KRIT1: variants seen among roughly 807,000 people sequenced by gnomAD.
KRIT1 encodes krev interaction trapped protein 1.
A neutral mutation model predicts 95.8 loss-of-function variants in KRIT1; 45 were observed. The observed-to-expected ratio is 0.47, with a 90% CI of 0.37 to 0.60. The LOEUF is 0.60. KRIT1 is among the 20% of genes least tolerant of loss of function. The probability of loss-of-function intolerance (pLI) is 0.00; values close to 1 mark genes in which losing one functional copy is unlikely to be tolerated. For missense variants in KRIT1, 788 were observed against 877.5 expected, an observed-to-expected ratio of 0.90 and a Z score of 1.29; for synonymous variants, 282 against 278.8, an observed-to-expected ratio of 1.01 and a Z score of -0.11.
At position 92,234,396 on chromosome 7, in the gene KRIT1, T is replaced by C. The variant is rs1319551318; in HGVS notation, c.989+53A>G. The C allele has an allele frequency of 6.0e-6, 8 of 1,338,196 alleles. No individual in the cohort carries two copies. The East Asian group carries it at 2.0e-4, about 33-fold the overall frequency. The allele number at this position is 1,338,196 out of a possible 1,614,324, so 82.9% of individuals were successfully genotyped here. On this transcript the variant is annotated intron_variant, in intron 10 of 18. Coordinates refer to ENST00000394505, the MANE Select transcript of KRIT1 (RefSeq NM_194454.3). ...AGTCTTGAAAAGAAGGACTAACATT[T>C]ATAATAAAAAATGTATTCTTTCTAA...
intron 5 of KRIT1, 43 bp from the exon 6 acceptor site, chr7:92,237,802 T>G (rs1341123468): frequency 1.0e-6 from 1 of 982,704 alleles, no homozygotes; most frequent in Non-Finnish European, 1.6e-6. Context: ...ATAATACACT[T>G]TTAAATCTTA....
At position 92,200,627 on chromosome 7, in the gene KRIT1, C is replaced by G. The variant is rs1584689085; in HGVS notation, c.*109G>C. 1 of 762,534 alleles carries G rather than the reference C, an allele frequency of 1.3e-6. No individual in the cohort carries two copies. Among genetic ancestry groups the G allele is most frequent in the South Asian group, 1.5e-5 (1 of 68,802 alleles). 47.2% of individuals were successfully genotyped at this position (762,534 alleles called of 1,614,324 possible). A position where few individuals can be genotyped will look rare whatever the true frequency, so the allele number is the denominator to read the frequency against. ...CCAGCCTCCCAAAGTGCTGGAATTA[C>G]AGGGGTGAGCCACCATGCTCGGCCA... is the stretch of plus-strand genomic sequence containing the variant. On this transcript the variant is annotated 3_prime_UTR_variant, in exon 19 of 19. Coordinates refer to ENST00000394505, the MANE Select transcript of KRIT1 (RefSeq NM_194454.3).
At chr7:92,234,998 T>A in intron 8 of KRIT1, 75 bp from the exon 9 acceptor site, 1 of 758,910 alleles carries the variant, frequency 1.3e-6, no homozygotes, top group South Asian at 1.5e-5. Context: ...ATATTTTAAA[T>A]TTTTACTTAT....
chr7:92,200,640 C>T lies in KRIT1; in HGVS notation c.*96G>A. 1 of 832,046 alleles carries T rather than the reference C, an allele frequency of 1.2e-6. No homozygotes were observed. The highest frequency in any genetic ancestry group is 1.4e-5 in the South Asian group (1 of 70,844). The allele number at this position is 832,046 out of a possible 1,614,324, so 51.5% of individuals were successfully genotyped here. A position where few individuals can be genotyped will look rare whatever the true frequency, so the allele number is the denominator to read the frequency against. On this transcript the variant is annotated 3_prime_UTR_variant, in exon 19 of 19. Coordinates refer to ENST00000394505, the MANE Select transcript of KRIT1 (RefSeq NM_194454.3). ...GTGCTGGAATTACAGGGGTGAGCCA[C>T]CATGCTCGGCCAAAAGTAATATTTT...
At chr7:92,206,961 A>C (rs1234825355) in intron 17 of KRIT1, 2 of 151,668 alleles carry the variant, frequency 1.3e-5, no homozygotes, top group African/African-American at 4.8e-5. Context: ...AAAAAGAAAG[A>C]AATCAAGAAA....
At chr7:92,209,692 G>A (rs767312692) in intron 17 of KRIT1, among the ~76,000 whole-genome samples, 29 of 152,092 alleles carry the variant, frequency 1.9e-4, no homozygotes, top group Non-Finnish European at 4.0e-4. Flanking sequence ...ACAAAACACT[G>A]ATGCAAGAAA....
At chr7:92,236,685 C>T in intron 6 of KRIT1, 143 bp from the exon 7 acceptor site, 1 of 630,698 alleles carries the variant, frequency 1.6e-6, no homozygotes, top group African/African-American at 1.8e-5. Context: ...GGCCTGGATT[C>T]AAGTGATGAC....
chr7:92,235,200 A>G (rs1798160685), intron 8 of KRIT1, among the ~76,000 whole-genome samples: 1 of 152,026 alleles, frequency 6.6e-6, no homozygotes, highest in Non-Finnish European at 1.5e-5. Flanking sequence ...AGATTTCACC[A>G]TGTTGGCCAG....
At chr7:92,226,999 A>G (rs1016386579) in intron 10 of KRIT1, among the ~76,000 whole-genome samples, 4 of 152,216 alleles carry the variant, frequency 2.6e-5, no homozygotes, top group Non-Finnish European at 5.9e-5. Context: ...TACAATTTTT[A>G]GTCAAATATA....
intron 9 of KRIT1, 53 bp from the exon 10 acceptor site, chr7:92,234,645 T>C: frequency 6.6e-7 from 1 of 1,515,302 alleles, no homozygotes; most frequent in Non-Finnish European, 9.2e-7. Flanking sequence ...AAAAATTGTT[T>C]CAAAAGAAAT....
At chr7:92,207,658 A>C (rs1791871263) in intron 17 of KRIT1, among the ~76,000 whole-genome samples, 1 of 152,188 alleles carries the variant, frequency 6.6e-6, no homozygotes, top group South Asian at 2.1e-4. Context: ...GGAGTTTGAG[A>C]CCAGCGTGGG....
chr7:92,218,196 T>C (rs1244642474), intron 14 of KRIT1, among the ~76,000 whole-genome samples: 6 of 151,918 alleles, frequency 3.9e-5, no homozygotes, highest in Admixed American at 1.3e-4. Context: ...GAACCACAGG[T>C]GTGTGCCACC....
intron 14 of KRIT1, among the ~76,000 whole-genome samples, chr7:92,217,354 C>G (rs1408270376): frequency 1.3e-5 from 2 of 152,160 alleles, no homozygotes; most frequent in Non-Finnish European, 2.9e-5. Flanking sequence ...CATTGTGCTA[C>G]CATCACTACT....
At chr7:92,220,538 T>C (rs1417306076) in intron 14 of KRIT1, among the ~76,000 whole-genome samples, 1 of 152,154 alleles carries the variant, frequency 6.6e-6, no homozygotes, top group Non-Finnish European at 1.5e-5. Flanking sequence ...TTAACTGTGT[T>C]TGTTTAATAT....
chr7:92,218,547 T>A (rs1215417637), intron 14 of KRIT1, among the ~76,000 whole-genome samples: 1 of 152,008 alleles, frequency 6.6e-6, no homozygotes, highest in Non-Finnish European at 1.5e-5. Context: ...CCTGGCTAAT[T>A]TTTTAAGTTT....
intron 17 of KRIT1, among the ~76,000 whole-genome samples, chr7:92,208,833 A>G (rs915872760): frequency 2.6e-5 from 4 of 152,170 alleles, no homozygotes; most frequent in African/African-American, 9.7e-5. Context: ...GATTCTTCCT[A>G]ACTCATTCAA....
intron 17 of KRIT1, among the ~76,000 whole-genome samples, chr7:92,202,909 A>T (rs1163562062): frequency 6.6e-6 from 1 of 152,244 alleles, no homozygotes; most frequent in African/African-American, 2.4e-5. Flanking sequence ...CAAGGTACAG[A>T]CTGAACAGAG....
chr7:92,214,413 C>T (rs917267056), intron 15 of KRIT1, among the ~76,000 whole-genome samples, 198 bp downstream of exon 15: 2 of 151,948 alleles, frequency 1.3e-5, no homozygotes, highest in African/African-American at 4.8e-5. Context: ...AAACTATAGT[C>T]AAATATAAGA....
chr7:92,233,444 G>C (rs1797758880), intron 10 of KRIT1, among the ~76,000 whole-genome samples: 1 of 143,974 alleles, frequency 6.9e-6, no homozygotes, highest in Non-Finnish European at 1.5e-5. Flanking sequence ...ATCTCACTCT[G>C]TCACCAGGCT....
Sources: gnomAD v4.1 joint callset for allele counts (sites outside exome capture counted in the v4.1 genomes callset) on GRCh38, gnomAD v4.1.1 for gene constraint, MANE v1.5 for transcripts, NCBI Gene and HGNC (gene_info 2026-07-23, HGNC 2026-07-21) for gene names.